PRKG1: variants seen among roughly 807,000 people sequenced by gnomAD.
The protein encoded by PRKG1 is cGMP-dependent protein kinase 1.
A neutral mutation model predicts 88.1 loss-of-function variants in PRKG1; 35 were observed. The observed-to-expected ratio is 0.40, with a 90% confidence interval of 0.30 to 0.53. The LOEUF (loss-of-function observed/expected upper bound fraction) is 0.53. Ranked by LOEUF, PRKG1 falls within the 20% of genes least tolerant of loss-of-function variation. PRKG1 has a pLI of 0.59. For missense variants in PRKG1, 540 were observed against 839.8 expected, an observed-to-expected ratio of 0.64 and a Z score of 4.41; for synonymous variants, 303 against 292.5, an observed-to-expected ratio of 1.04 and a Z score of -0.37.
intron 2 of PRKG1, among the ~76,000 whole-genome samples, chr10:51,175,002 A>G (rs893781872): frequency 2.6e-5 from 4 of 151,980 alleles, no homozygotes; most frequent in African/African-American, 4.8e-5. Flanking sequence ...TTGTCTTTCA[A>G]TGAAAGACAA....
At chr10:51,465,126 A>C (rs1444714332) in intron 2 of PRKG1, among the ~76,000 whole-genome samples, 2 of 152,164 alleles carry the variant, frequency 1.3e-5, no homozygotes, top group Non-Finnish European at 2.9e-5. Context: ...TGGTCGTGGC[A>C]GTGAAGGGAT....
chr10:52,141,826 C>T (rs1837589417), intron 8 of PRKG1, among the ~76,000 whole-genome samples: 1 of 152,096 alleles, frequency 6.6e-6, no homozygotes, highest in South Asian at 2.1e-4. Context: ...AGGGAACATA[C>T]AAACCAGAGC....
intron 2 of PRKG1, among the ~76,000 whole-genome samples, chr10:51,438,071 A>G (rs1447499533): frequency 6.6e-6 from 1 of 151,816 alleles, no homozygotes; most frequent in Non-Finnish European, 1.5e-5. Context: ...TTTTAGACCT[A>G]CTACAATGAG....
At chr10:52,148,773 G>A (rs1837808178) in intron 8 of PRKG1, among the ~76,000 whole-genome samples, 1 of 152,048 alleles carries the variant, frequency 6.6e-6, no homozygotes, top group African/African-American at 2.4e-5. Context: ...CCTGGAAAGA[G>A]ACCACTGGGG....
chr10:51,221,203 C>A (rs1349365362), intron 2 of PRKG1, among the ~76,000 whole-genome samples: 2 of 151,384 alleles, frequency 1.3e-5, no homozygotes, highest in African/African-American at 4.9e-5. Context: ...AGAGTAACTC[C>A]CTAGTTAGTT....
chr10:51,439,139 T>C (rs1309548210), intron 2 of PRKG1, among the ~76,000 whole-genome samples: 1 of 151,814 alleles, frequency 6.6e-6, no homozygotes, highest in Admixed American at 6.6e-5. Context: ...CTTACGAACA[T>C]GTCATGACTT....
At chr10:51,726,415 A>G (rs1485027475) in intron 3 of PRKG1, among the ~76,000 whole-genome samples, 1 of 152,222 alleles carries the variant, frequency 6.6e-6, no homozygotes, top group Non-Finnish European at 1.5e-5. Flanking sequence ...TCCTCAATAA[A>G]TGAAGAGATG....
intron 3 of PRKG1, among the ~76,000 whole-genome samples, chr10:51,689,979 T>C (rs1344216453): frequency 6.6e-6 from 1 of 152,170 alleles, no homozygotes; most frequent in Non-Finnish European, 1.5e-5. Context: ...GGGTAATTTA[T>C]AAAGAAAAGA....
chr10:51,641,043 A>C (rs1377374869), intron 3 of PRKG1, among the ~76,000 whole-genome samples: 1 of 134,836 alleles, frequency 7.4e-6, no homozygotes, highest in African/African-American at 2.5e-5. Flanking sequence ...TAGATAAAGA[A>C]ACAAATATAA....
rs1201717474 is a variant in PRKG1 at position 52,244,903 on chromosome 10, CT to C, written c.1077-6662del. Among the ~76,000 whole-genome samples the C allele has an allele frequency of 3.4e-4, 12 of 35,470 alleles. 1 individual carries two copies. Among genetic ancestry groups the C allele is most frequent in the East Asian group, 5.8e-3 (2 of 344 alleles). 23.3% of individuals were successfully genotyped at this position (35,470 alleles called of 152,430 possible). A position where few individuals can be genotyped will look rare whatever the true frequency, so the allele number is the denominator to read the frequency against. On this transcript the variant is annotated intron_variant, in intron 9 of 17. Coordinates refer to ENST00000373980, the MANE Select transcript of PRKG1 (RefSeq NM_006258.4). ...ATTTAAATAATACTTTTTTAATAAA[CT>C]TTTTAAAATATATATATATTTAAAT...
intron 1 of PRKG1, among the ~76,000 whole-genome samples, chr10:51,115,520 GA>G (rs1845099904): frequency 1.3e-5 from 2 of 150,868 alleles, no homozygotes; most frequent in African/African-American, 4.9e-5. Flanking sequence ...AAATGAATGT[GA>G]GGGGGTAATT....
At chr10:51,338,161 A>C (rs1841922479) in intron 2 of PRKG1, among the ~76,000 whole-genome samples, 1 of 152,186 alleles carries the variant, frequency 6.6e-6, no homozygotes. Flanking sequence ...GAGCTGAACA[A>C]TGAGAACACA....
At chr10:51,808,135 C>T (rs1425383377) in intron 4 of PRKG1, among the ~76,000 whole-genome samples, 2 of 152,148 alleles carry the variant, frequency 1.3e-5, no homozygotes, top group Non-Finnish European at 1.5e-5. Flanking sequence ...CCTGTAACTT[C>T]AGAATTACTT....
At chr10:51,930,863 CACTT>C (rs1241169915) in intron 5 of PRKG1, among the ~76,000 whole-genome samples, 1 of 152,156 alleles carries the variant, frequency 6.6e-6, no homozygotes, top group Non-Finnish European at 1.5e-5. Context: ...AAAATATTCT[CACTT>C]AGGAAAATAA....
At chr10:51,582,449 T>G (rs1838064407) in intron 3 of PRKG1, among the ~76,000 whole-genome samples, 1 of 152,102 alleles carries the variant, frequency 6.6e-6, no homozygotes, top group Admixed American at 6.6e-5. Context: ...CAGAGTGAAT[T>G]AGCTATTTTT....
intron 2 of PRKG1, among the ~76,000 whole-genome samples, chr10:51,374,831 A>C (rs1471570242): frequency 6.6e-6 from 1 of 152,180 alleles, no homozygotes; most frequent in Non-Finnish European, 1.5e-5. Context: ...TTCTAAGCTC[A>C]CGTGAGTGTT....
intron 3 of PRKG1, among the ~76,000 whole-genome samples, chr10:51,669,790 C>G (rs762035491): frequency 3.3e-5 from 5 of 152,146 alleles, no homozygotes; most frequent in Non-Finnish European, 5.9e-5. Flanking sequence ...GATTTACAGC[C>G]TAGAATCTGA....
chr10:51,680,322 T>G (rs866145069), intron 3 of PRKG1, among the ~76,000 whole-genome samples: 1 of 152,322 alleles, frequency 6.6e-6, no homozygotes, highest in South Asian at 2.1e-4. Context: ...CCCAAAATCT[T>G]TGTAAAGGAG....
intron 3 of PRKG1, among the ~76,000 whole-genome samples, chr10:51,581,179 C>T (rs1184735936): frequency 6.6e-6 from 1 of 152,112 alleles, no homozygotes; most frequent in Non-Finnish European, 1.5e-5. Context: ...CATCTGTATG[C>T]AGAAGTACAG....
Sources: allele counts gnomAD v4.1 joint callset (sites outside exome capture counted in the v4.1 genomes callset), GRCh38; gene constraint gnomAD v4.1.1; transcripts MANE v1.5; gene names NCBI Gene and HGNC (gene_info 2026-07-23, HGNC 2026-07-21).